Variants in SAMD5 observed in about 807,000 individuals in gnomAD.
SAMD5 encodes the protein sterile alpha motif domain containing 5, also known as sterile alpha motif domain-containing protein 5.
SAMD5 carries 13 observed loss-of-function variants against 11.3 expected under a neutral mutation model. That is an observed-to-expected ratio of 1.15 (90% confidence interval 0.75 to 1.83). The LOEUF (loss-of-function observed/expected upper bound fraction) is 1.83. Among genes scored for constraint, SAMD5 ranks in the 40% most tolerant of loss-of-function variants. The pLI is 0.00. For missense variants in SAMD5, 255 were observed against 239.1 expected (o/e 1.07, Z -0.44); for synonymous variants, 129 against 111.3 (o/e 1.16, Z -1.00).
intron 1 of SAMD5, among the ~76,000 whole-genome samples, chr6:147,542,871 T>TTAAACTA (rs1276482202): frequency 2.6e-5 from 4 of 152,206 alleles, no homozygotes; most frequent in Admixed American, 2.0e-4. Flanking sequence ...CTGTCTTTGT[T>TTAAACTA]TAAACTATAA....
chr6:147,886,230 A>G, the SAMD5 span, among the ~76,000 whole-genome samples: 4 of 152,202 alleles, frequency 2.6e-5, no homozygotes, highest in South Asian at 2.1e-4. Context: ...AGCTCTGCCG[A>G]TGCCAAAATT....
the SAMD5 span, among the ~76,000 whole-genome samples, chr6:147,931,867 G>A: frequency 6.6e-6 from 1 of 152,162 alleles, no homozygotes. Context: ...ATGCAATGCT[G>A]TAGTGATATA....
the SAMD5 span, among the ~76,000 whole-genome samples, chr6:147,870,449 A>AAT: frequency 3.7e-4 from 51 of 137,710 alleles, 1 homozygote; most frequent in Middle Eastern, 0.019. Flanking sequence ...TGTGTGTGTG[A>AAT]GTGTGTGTGT....
chr6:147,832,437 A>G, the SAMD5 span, among the ~76,000 whole-genome samples: 1 of 152,168 alleles, frequency 6.6e-6, no homozygotes, highest in Admixed American at 6.5e-5. Context: ...ACAAGAGTGC[A>G]TTTAGGAGAA....
At chr6:147,533,431 C>A (rs1788459840) in intron 1 of SAMD5, among the ~76,000 whole-genome samples, 2 of 141,164 alleles carry the variant, frequency 1.4e-5, no homozygotes, top group Admixed American at 1.5e-4. Flanking sequence ...CATTGCACTC[C>A]AGCCTGGGCA....
At chr6:147,732,511 TG>T (rs770834897) in intron 1 of SAMD5, among the ~76,000 whole-genome samples, 7 of 152,192 alleles carry the variant, frequency 4.6e-5, no homozygotes, top group Non-Finnish European at 8.8e-5. Context: ...CGTAAGTCTA[TG>T]GGAAACACAA....
chr6:147,537,303 A>C (rs1788524683), intron 1 of SAMD5, among the ~76,000 whole-genome samples: 1 of 152,172 alleles, frequency 6.6e-6, no homozygotes, highest in Non-Finnish European at 1.5e-5. Context: ...AATATCTAAA[A>C]TATTAGGTTT....
chr6:147,891,160 A>G, the SAMD5 span, among the ~76,000 whole-genome samples: 1 of 152,232 alleles, frequency 6.6e-6, no homozygotes, highest in Non-Finnish European at 1.5e-5. Context: ...CTATGAATTC[A>G]GTATCAGCCA....
In SAMD5 at chr6:147,583,517, T is replaced by C. The variant is rs958392733; in HGVS notation, c.162+74130T>C. Among the ~76,000 whole-genome samples the C allele has an allele frequency of 6.6e-5, 10 of 152,314 alleles. No individual in the cohort carries two copies. The South Asian group carries it at 1.9e-3, about 28-fold the overall frequency. On this transcript the variant is annotated intron_variant, in intron 1 of 1. Transcript: ENST00000566741. Reference sequence around the variant, plus strand: ...TTTGAGAGAGAAAGTACAACATTATTATTTATGAGAAAGAGCTGACACACA... The same window carrying C: ...TTTGAGAGAGAAAGTACAACATTATCATTTATGAGAAAGAGCTGACACACA...
chr6:147,885,324 G>T, the SAMD5 span, among the ~76,000 whole-genome samples: 2,299 of 152,224 alleles, frequency 0.015, 34 homozygotes, highest in East Asian at 0.037. Flanking sequence ...TAAGTTTATA[G>T]TATTGTAAGT....
At chr6:147,591,707 G>T (rs1271147153) in intron 1 of SAMD5, among the ~76,000 whole-genome samples, 1 of 152,128 alleles carries the variant, frequency 6.6e-6, no homozygotes, top group Admixed American at 6.5e-5. Flanking sequence ...TAGAAATAGG[G>T]GATTTTCACT....
At chr6:147,934,475 G>GTGAGACACAA in the SAMD5 span, among the ~76,000 whole-genome samples, 1 of 152,102 alleles carries the variant, frequency 6.6e-6, no homozygotes, top group Non-Finnish European at 1.5e-5. Context: ...TGTGTGTCAG[G>GTGAGACACAA]TGAGACACAA....
At chr6:147,739,519 G>C (rs372910865), downstream of SAMD5, among the ~76,000 whole-genome samples, 3 of 152,194 alleles carry the variant, frequency 2.0e-5, no homozygotes, top group East Asian at 5.8e-4. Flanking sequence ...GATTGCCTGA[G>C]CCCAGGAGGT....
the SAMD5 span, among the ~76,000 whole-genome samples, chr6:147,910,174 A>G: frequency 6.6e-6 from 1 of 152,116 alleles, no homozygotes; most frequent in South Asian, 2.1e-4. Flanking sequence ...CATTTTAGTG[A>G]CAGATATTCC....
intron 1 of SAMD5, among the ~76,000 whole-genome samples, chr6:147,540,968 A>T (rs1302783282): frequency 1.0e-5 from 1 of 96,598 alleles, no homozygotes; most frequent in Non-Finnish European, 1.9e-5. Flanking sequence ...TTTGAGAAGG[A>T]GTCTTCTCAA....
chr6:147,724,648 G>A (rs571047810), intron 1 of SAMD5, among the ~76,000 whole-genome samples: 17 of 152,156 alleles, frequency 1.1e-4, no homozygotes, highest in African/African-American at 2.9e-4. Context: ...GTAGTGAGCC[G>A]TGAGGCTGCT....
At chr6:147,856,670 A>G in the SAMD5 span, among the ~76,000 whole-genome samples, 10 of 152,314 alleles carry the variant, frequency 6.6e-5, no homozygotes, top group African/African-American at 1.7e-4. Context: ...TGTGCTAGAT[A>G]TGCTCGCTGA....
intron 1 of SAMD5, among the ~76,000 whole-genome samples, chr6:147,717,395 T>G (rs1437397573): frequency 6.6e-6 from 1 of 152,204 alleles, no homozygotes; most frequent in East Asian, 1.9e-4. Flanking sequence ...AAAATCCAGC[T>G]AAGCTCTTCT....
chr6:147,914,511 A>G, the SAMD5 span, among the ~76,000 whole-genome samples: 1 of 152,304 alleles, frequency 6.6e-6, no homozygotes, highest in Middle Eastern at 3.4e-3. Flanking sequence ...TGATAATGGC[A>G]GAAAAGGGAG....
Sources: gnomAD v4.1 joint callset for allele counts (sites outside exome capture counted in the v4.1 genomes callset) on GRCh38, gnomAD v4.1.1 for gene constraint, MANE v1.5 for transcripts, NCBI Gene and HGNC (gene_info 2026-07-23, HGNC 2026-07-21) for gene names.